CSMD1: variants seen among roughly 807,000 people sequenced by gnomAD.
CSMD1 encodes the protein CUB and sushi domain-containing protein 1.
A neutral mutation model predicts 417.5 loss-of-function variants in CSMD1; 213 were observed. The ratio of observed to expected loss-of-function variants is 0.51; its 90% CI spans 0.46 to 0.57. The LOEUF is 0.57. CSMD1 is among the 20% of genes least tolerant of loss of function. The probability of loss-of-function intolerance (pLI) is 0.00; values close to 1 mark genes in which losing one functional copy is unlikely to be tolerated. For synonymous variants in CSMD1, 2,862 were observed against 1,736.8 expected (o/e 1.65, Z -16.11); for missense variants, 6,923 against 4,529.7 (o/e 1.53, Z -15.17).
chr8:3,251,470 T>G (rs1365630449), intron 26 of CSMD1, among the ~76,000 whole-genome samples: 1 of 152,200 alleles, frequency 6.6e-6, no homozygotes, highest in Non-Finnish European at 1.5e-5. Context: ...ACTGTAGCCT[T>G]GTAGTATAGT....
intron 40 of CSMD1, among the ~76,000 whole-genome samples, chr8:3,150,298 G>A (rs915589624): frequency 6.6e-6 from 1 of 152,138 alleles, no homozygotes; most frequent in Non-Finnish European, 1.5e-5. Flanking sequence ...GGGAGGTGAC[G>A]GACTCCCCAG....
chr8:2,974,693 C>A, intron 55 of CSMD1, 69 bp from the exon 56 acceptor site: 2 of 1,163,016 alleles, frequency 1.7e-6, no homozygotes, highest in Non-Finnish European at 2.4e-6. Context: ...GAAAATCTCC[C>A]ATACAGACAC....
intron 1 of CSMD1, among the ~76,000 whole-genome samples, chr8:4,802,582 G>GT (rs975739344): frequency 2.6e-5 from 4 of 152,184 alleles, no homozygotes; most frequent in Admixed American, 2.6e-4. Context: ...AGATCACAAT[G>GT]TTTTTTTCTT....
At chr8:3,953,470 C>T (rs914308230) in intron 5 of CSMD1, among the ~76,000 whole-genome samples, 1 of 152,134 alleles carries the variant, frequency 6.6e-6, no homozygotes, top group African/African-American at 2.4e-5. Context: ...TAAACACACA[C>T]AGAGAGAGGT....
intron 4 of CSMD1, among the ~76,000 whole-genome samples, chr8:4,016,054 G>A (rs1796508424): frequency 6.6e-6 from 1 of 152,144 alleles, no homozygotes; most frequent in South Asian, 2.1e-4. Context: ...CTCAGAGAAT[G>A]TGATTCCATA....
chr8:3,739,535 C>T (rs959702891), intron 6 of CSMD1, among the ~76,000 whole-genome samples: 5 of 151,882 alleles, frequency 3.3e-5, no homozygotes, highest in Admixed American at 1.3e-4. Flanking sequence ...AATTATTACA[C>T]GTCAATTGAA....
At chr8:3,649,548 C>A (rs577190413) in intron 7 of CSMD1, among the ~76,000 whole-genome samples, 3 of 152,126 alleles carry the variant, frequency 2.0e-5, no homozygotes, top group Admixed American at 1.3e-4. Flanking sequence ...CACAAGGTGG[C>A]AGGAAGGAGA....
At chr8:3,378,430 G>A (rs1254001044) in intron 18 of CSMD1, among the ~76,000 whole-genome samples, 9 of 152,006 alleles carry the variant, frequency 5.9e-5, no homozygotes, top group Admixed American at 5.2e-4. Flanking sequence ...CCAAAACCTG[G>A]CAAAGGCACA....
intron 54 of CSMD1, among the ~76,000 whole-genome samples, chr8:2,992,522 C>T (rs1412637044): frequency 3.3e-5 from 5 of 151,980 alleles, no homozygotes; most frequent in Non-Finnish European, 7.4e-5. Context: ...CTTCTGGATT[C>T]AAGCAATTCT....
At chr8:4,356,482 G>C (rs1353930733) in intron 3 of CSMD1, among the ~76,000 whole-genome samples, 1 of 152,160 alleles carries the variant, frequency 6.6e-6, no homozygotes, top group South Asian at 2.1e-4. Flanking sequence ...CCTCTGAGTA[G>C]ATACCTGGGA....
intron 3 of CSMD1, among the ~76,000 whole-genome samples, chr8:4,288,505 G>C (rs926124842): frequency 2.0e-5 from 3 of 152,152 alleles, no homozygotes; most frequent in Non-Finnish European, 2.9e-5. Context: ...TCTGCCTTTA[G>C]GTTTACCCAG....
intron 3 of CSMD1, among the ~76,000 whole-genome samples, chr8:4,274,290 C>A (rs1237990479): frequency 6.6e-6 from 1 of 152,118 alleles, no homozygotes; most frequent in Admixed American, 6.6e-5. Flanking sequence ...AGGCTTATAA[C>A]GTGAAGTATC....
At chr8:2,990,412 A>G (rs1806275376) in intron 54 of CSMD1, among the ~76,000 whole-genome samples, 1 of 152,218 alleles carries the variant, frequency 6.6e-6, no homozygotes, top group Non-Finnish European at 1.5e-5. Context: ...ACAAGATTTC[A>G]TTCAGCTCCG....
intron 1 of CSMD1, among the ~76,000 whole-genome samples, chr8:4,800,778 C>T (rs570346197): frequency 5.3e-5 from 8 of 152,274 alleles, no homozygotes; most frequent in African/African-American, 1.7e-4. Flanking sequence ...TGAGACACCA[C>T]CTAGGAGGTG....
chr8:3,349,894 TAA>T (rs1808287487), intron 21 of CSMD1, among the ~76,000 whole-genome samples: 1 of 94,128 alleles, frequency 1.1e-5, no homozygotes, highest in Non-Finnish European at 2.2e-5. Flanking sequence ...TATATATTTA[TAA>T]TATATATTTA....
chr8:4,985,465 T>C (rs1190538907), intron 1 of CSMD1, among the ~76,000 whole-genome samples: 1 of 152,236 alleles, frequency 6.6e-6, no homozygotes, highest in Non-Finnish European at 1.5e-5. Flanking sequence ...GCACATGCCA[T>C]AATTCTTTAG....
chr8:3,534,784 C>CAAA (rs1798123551), intron 10 of CSMD1, among the ~76,000 whole-genome samples: 1 of 152,176 alleles, frequency 6.6e-6, no homozygotes, highest in South Asian at 2.1e-4. Flanking sequence ...TACTTTATTT[C>CAAA]CTTGTTACAA....
At chr8:4,099,437 T>A (rs941247994) in intron 3 of CSMD1, among the ~76,000 whole-genome samples, 3 of 152,076 alleles carry the variant, frequency 2.0e-5, no homozygotes, top group Non-Finnish European at 2.9e-5. Context: ...ACCACTCAGT[T>A]CTAATACACC....
intron 1 of CSMD1, among the ~76,000 whole-genome samples, chr8:4,823,017 A>T (rs771557935): frequency 6.6e-6 from 1 of 152,142 alleles, no homozygotes. Flanking sequence ...CACAATTTGC[A>T]GTTCTCATTC....
Sources: allele counts gnomAD v4.1 joint callset (sites outside exome capture counted in the v4.1 genomes callset), GRCh38; gene constraint gnomAD v4.1.1; transcripts MANE v1.5; gene names NCBI Gene and HGNC (gene_info 2026-07-23, HGNC 2026-07-21).